CHST14: variants seen among roughly 807,000 people sequenced by gnomAD.
CHST14 encodes the protein carbohydrate (N-acetylgalactosamine 4-0) sulfotransferase 14.
Under a neutral mutation model 22.7 loss-of-function variants are expected in CHST14, and 13 were observed. The ratio of observed to expected loss-of-function variants is 0.57; its 90% CI spans 0.37 to 0.91. The LOEUF is 0.91. CHST14 is among the 40% of genes least tolerant of loss of function. The probability of loss-of-function intolerance (pLI) is 0.01; values close to 1 mark genes in which losing one functional copy is unlikely to be tolerated. For missense variants in CHST14, 466 were observed against 513.1 expected (o/e 0.91, Z 0.89); for synonymous variants, 233 against 231.9 (o/e 1.00, Z -0.04).
Position 40,472,647 on chromosome 15 carries a change from ATGCAGTC to A in CHST14, c.*304_*310del. The stretch of plus-strand genomic sequence containing the variant: ...CTCCAGACCCCGGGCTGCCAGGATT[ATGCAGTC>A]CACTTGGTCTACCTTAATTTAACCT... On this transcript the variant is annotated 3_prime_UTR_variant, in exon 1 of 1. Transcript: ENST00000306243. 7 of 403,948 alleles carry A rather than the reference ATGCAGTC, an allele frequency of 1.7e-5. No homozygotes were observed. The highest frequency in any genetic ancestry group is 4.6e-5 in the East Asian group (1 of 21,712). The allele number at this position is 403,948 out of a possible 1,614,324, so 25.0% of individuals were successfully genotyped here.
In CHST14 at chr15:40,473,131, CTT is replaced by C. The variant is rs949314368; in HGVS notation, c.*791_*792del. 6.0e-6 allele frequency: 1 copy of C among 166,934 alleles called. No homozygotes were observed. Among genetic ancestry groups the C allele is most frequent in the African/African-American group, 2.4e-5 (1 of 41,446 alleles). 10.3% of individuals were successfully genotyped at this position (166,934 alleles called of 1,614,324 possible). ...AGGGCTTTGTTTTCCTAATAGCTGA[CTT>C]TTTAATAAAGCAGTTTTATATATAA... On this transcript the variant is annotated 3_prime_UTR_variant, in exon 1 of 1. Coordinates refer to ENST00000306243, the MANE Select transcript of CHST14 (RefSeq NM_130468.4).
At position 40,471,006 on chromosome 15, in the gene CHST14, G is replaced by A. The variant is rs984222612; in HGVS notation, c.-208G>A. ...AGCGGCCGGGCGGGACATCCGGCCC[G>A]GGTCCCTCGCCGCGCCCGCCGCCCG... On this transcript the variant is annotated 5_prime_UTR_variant, in exon 1 of 1. Coordinates refer to ENST00000306243, the MANE Select transcript of CHST14 (RefSeq NM_130468.4). This position sits in a 1 kb window ranked among gnomAD's most constrained non-coding sequence, Gnocchi z 6.4. 5.2e-4 allele frequency: 149 copies of A among 286,692 alleles called. No individual in the cohort carries two copies. The highest frequency in any genetic ancestry group is 7.5e-4 in the Non-Finnish European group (118 of 156,928). The allele number at this position is 286,692 out of a possible 1,614,324, so 17.8% of individuals were successfully genotyped here.
chr15:40,472,624 CCA>C lies in CHST14; in HGVS notation c.*281_*282del. 2 of 452,620 alleles carry C rather than the reference CCA, an allele frequency of 4.4e-6. No homozygotes were observed. Among genetic ancestry groups the C allele is most frequent in the South Asian group, 3.8e-5 (1 of 26,052 alleles). 28.0% of individuals were successfully genotyped at this position (452,620 alleles called of 1,614,324 possible). A position where few individuals can be genotyped will look rare whatever the true frequency, so the allele number is the denominator to read the frequency against. ...AACACATCTGATCTAAAGACTGGCTCCAGACCCCGGGCTGCCAGGATTATGCA... is the reference window on the plus strand; with the variant it reads ...AACACATCTGATCTAAAGACTGGCTCGACCCCGGGCTGCCAGGATTATGCA... On this transcript the variant is annotated 3_prime_UTR_variant, in exon 1 of 1. Transcript: ENST00000306243.
chr15:40,471,522 A>G lies in CHST14; in HGVS notation c.309A>G (p.Gln103=), dbSNP rs1266666512. Residue 103 remains glutamine (Q), a synonymous_variant, in exon 1 of 1, where the codon CAA becomes CAG. Coordinates refer to ENST00000306243, the MANE Select transcript of CHST14 (RefSeq NM_130468.4). The surrounding 1 kb of genome is among the most constrained non-coding windows in gnomAD (Gnocchi z 6.4). ...TCAGGGCTGGGGACGCGGACTTGCA[A>G]GTGCGGCAGGACGTCCGGAACAGGA... ...LSLRAGDADL[Q]VRQDVRNRTL... 3 of 1,601,054 alleles carry G rather than the reference A, an allele frequency of 1.9e-6. No homozygotes were observed. Among genetic ancestry groups the G allele is most frequent in the Non-Finnish European group, 2.6e-6 (3 of 1,175,680 alleles).
chr15:40,471,013 T>C lies in CHST14; in HGVS notation c.-201T>C, dbSNP rs1894333244. The C allele has an allele frequency of 3.3e-6, 1 of 300,900 alleles. No homozygotes were observed. The highest frequency in any genetic ancestry group is 6.0e-6 in the Non-Finnish European group (1 of 167,102). 18.6% of individuals were successfully genotyped at this position (300,900 alleles called of 1,614,324 possible). On this transcript the variant is annotated 5_prime_UTR_variant, in exon 1 of 1. Transcript: ENST00000306243. This position sits in a 1 kb window ranked among gnomAD's most constrained non-coding sequence, Gnocchi z 6.4. ...GGGCGGGACATCCGGCCCGGGTCCCTCGCCGCGCCCGCCGCCCGCCGCCCG... is the reference window on the plus strand; with the variant it reads ...GGGCGGGACATCCGGCCCGGGTCCCCCGCCGCGCCCGCCGCCCGCCGCCCG...
rs143590623 is a variant in CHST14, at chr15:40,471,921, C to T, written c.708C>T (p.Arg236=). The T allele has an allele frequency of 6.2e-7, 1 of 1,614,034 alleles. No homozygotes were observed. The highest frequency in any genetic ancestry group is 1.3e-5 in the African/African-American group (1 of 74,944). The change falls in exon 1 of 1, where the codon CGC becomes CGT. Residue 236 remains arginine, a synonymous_variant. Coordinates refer to ENST00000306243, the MANE Select transcript of CHST14 (RefSeq NM_130468.4). The surrounding 1 kb of genome is among the most constrained non-coding windows in gnomAD (Gnocchi z 6.4). ...KFGEIREYQQ[R]YGAEIVRRYR... ...GCGAGATCCGAGAGTACCAGCAACG[C>T]TATGGGGCTGAGATAGTGAGGCGGT...
Position 40,472,356 on chromosome 15 carries a change from G to A in CHST14, c.*12G>A. The A allele has an allele frequency of 6.3e-7, 1 of 1,587,080 alleles. No individual in the cohort carries two copies. Among genetic ancestry groups the A allele is most frequent in the Non-Finnish European group, 8.6e-7 (1 of 1,165,752 alleles). ...CGTGTCAGCAGTGACCATGGGTGTG[G>A]GGCCAGCAGCTGGTGGGGACTGGTT... is the stretch of plus-strand genomic sequence containing the variant. On this transcript the variant is annotated 3_prime_UTR_variant, in exon 1 of 1. Coordinates refer to ENST00000306243, the MANE Select transcript of CHST14 (RefSeq NM_130468.4).
chr15:40,471,617 G>A lies in CHST14; in HGVS notation c.404G>A (p.Arg135His). Reference protein sequence around the residue: ...DPWDLPVGQRRTLLRHILVSD... With the variant: ...DPWDLPVGQRHTLLRHILVSD... ...TGGGACTTGCCGGTGGGGCAGCGGC[G>A]CACCCTGCTGCGCCACATCCTCGTA... The change falls in exon 1 of 1, where the codon CGC becomes CAC. Residue 135 changes from arginine to histidine, a missense_variant. Physicochemically the swap from Arg to His is conservative, Grantham distance 29. Coordinates refer to ENST00000306243, the MANE Select transcript of CHST14 (RefSeq NM_130468.4). The surrounding 1 kb of genome is among the most constrained non-coding windows in gnomAD (Gnocchi z 6.4). 1 of 1,612,904 alleles carries A rather than the reference G, an allele frequency of 6.2e-7. No individual in the cohort carries two copies. The highest frequency in any genetic ancestry group is 8.5e-7 in the Non-Finnish European group (1 of 1,179,942).
rs1449006335 is a variant in CHST14 at position 40,470,990 on chromosome 15, G to A, written c.-224G>A. 1 of 250,186 alleles carries A rather than the reference G, an allele frequency of 4.0e-6. No homozygotes were observed. The highest frequency in any genetic ancestry group is 2.3e-5 in the African/African-American group (1 of 43,738). The allele number at this position is 250,186 out of a possible 1,614,324, so 15.5% of individuals were successfully genotyped here. On this transcript the variant is annotated 5_prime_UTR_variant, in exon 1 of 1. Coordinates refer to ENST00000306243, the MANE Select transcript of CHST14 (RefSeq NM_130468.4). ...GAGGCCGGGGGTGGAGAGCGGCCGGGCGGGACATCCGGCCCGGGTCCCTCG... is the reference window on the plus strand; with the variant it reads ...GAGGCCGGGGGTGGAGAGCGGCCGGACGGGACATCCGGCCCGGGTCCCTCG...
Position 40,471,136 on chromosome 15 carries a change from C to T in CHST14, c.-78C>T, listed in dbSNP as rs1453234912. 2 of 619,922 alleles carry T rather than the reference C, an allele frequency of 3.2e-6. No homozygotes were observed. The highest frequency in any genetic ancestry group is 6.9e-5 in the South Asian group (2 of 29,054). 38.4% of individuals were successfully genotyped at this position (619,922 alleles called of 1,614,324 possible). A position where few individuals can be genotyped will look rare whatever the true frequency, so the allele number is the denominator to read the frequency against. On this transcript the variant is annotated 5_prime_UTR_variant, in exon 1 of 1. Transcript: ENST00000306243. The surrounding 1 kb of genome is among the most constrained non-coding windows in gnomAD (Gnocchi z 6.4). ...CTACCCCCGGTCCCAGACCCTCCTC[C>T]CGCCCCCAGCCCGAGCCCGCCTTCC...
In CHST14 at chr15:40,471,729, C is replaced by T. The variant is rs146820019; in HGVS notation, c.516C>T (p.Val172=). The part of the protein sequence containing the change: ...WKRVMKVLAG[V]LDSVDVRLKM... ...GGGTGATGAAGGTGCTGGCAGGCGTCCTGGACAGCGTGGACGTCCGCCTCA... is the reference window on the plus strand; with the variant it reads ...GGGTGATGAAGGTGCTGGCAGGCGTTCTGGACAGCGTGGACGTCCGCCTCA... Residue 172 remains valine (V), a synonymous_variant, in exon 1 of 1, where the codon GTC becomes GTT. Coordinates refer to ENST00000306243, the MANE Select transcript of CHST14 (RefSeq NM_130468.4). The surrounding 1 kb of genome is among the most constrained non-coding windows in gnomAD (Gnocchi z 6.4). The T allele has an allele frequency of 3.1e-6, 5 of 1,613,544 alleles. 1 individual carries two copies. The African/African-American group carries it at 6.7e-5, about 21-fold the overall frequency.
rs1281853086 is a variant in CHST14 at position 40,473,153 on chromosome 15, A to C, written c.*809A>C. 1 of 166,160 alleles carries C rather than the reference A, an allele frequency of 6.0e-6. No individual in the cohort carries two copies. Among genetic ancestry groups the C allele is most frequent in the Non-Finnish European group, 1.5e-5 (1 of 68,122 alleles). The allele number at this position is 166,160 out of a possible 1,614,324, so 10.3% of individuals were successfully genotyped here. A position where few individuals can be genotyped will look rare whatever the true frequency, so the allele number is the denominator to read the frequency against. ...TGACTTTTTAATAAAGCAGTTTTAT[A>C]TATAAGGCGAGCATTTCTGTGATTT... On this transcript the variant is annotated 3_prime_UTR_variant, in exon 1 of 1. Transcript: ENST00000306243.
Position 40,471,108 on chromosome 15 carries a change from CAACTA to C in CHST14, c.-105_-101del. On this transcript the variant is annotated 5_prime_UTR_variant, in exon 1 of 1. Coordinates refer to ENST00000306243, the MANE Select transcript of CHST14 (RefSeq NM_130468.4). The surrounding 1 kb of genome is among the most constrained non-coding windows in gnomAD (Gnocchi z 6.4). ...GGGCTGTCCCCTGCCCTCCCCTCCC[CAACTA>C]CCCCCGGTCCCAGACCCTCCTCCCG... 2.3e-6 allele frequency: 1 copy of C among 432,792 alleles called. No individual in the cohort carries two copies. The highest frequency in any genetic ancestry group is 3.8e-6 in the Non-Finnish European group (1 of 262,336). 26.8% of individuals were successfully genotyped at this position (432,792 alleles called of 1,614,324 possible). A position where few individuals can be genotyped will look rare whatever the true frequency, so the allele number is the denominator to read the frequency against.
chr15:40,472,416 C>A lies in CHST14; in HGVS notation c.*72C>A. The A allele has an allele frequency of 6.7e-7, 1 of 1,494,962 alleles. No homozygotes were observed. 92.6% of individuals were successfully genotyped at this position (1,494,962 alleles called of 1,614,324 possible). ...GCTTTCTGTGCTTCTGCCTGTCATT[C>A]GGAGAAACTCTGGCTCTGGGGCTTG... On this transcript the variant is annotated 3_prime_UTR_variant, in exon 1 of 1. Coordinates refer to ENST00000306243, the MANE Select transcript of CHST14 (RefSeq NM_130468.4).
chr15:40,472,027 C>A lies in CHST14; in HGVS notation c.814C>A (p.Pro272Thr). ...EFLRYLVDED[P>T]ERMNEHWMPV... ...CCTGAGATACCTGGTGGATGAGGAC[C>A]CTGAGCGCATGAATGAGCATTGGAT... Residue 272 changes from proline to threonine, a missense_variant, in exon 1 of 1, where the codon CCT (proline) becomes ACT (threonine). Coordinates refer to ENST00000306243, the MANE Select transcript of CHST14 (RefSeq NM_130468.4). 6.2e-7 allele frequency: 1 copy of A among 1,614,174 alleles called. No individual in the cohort carries two copies. Among genetic ancestry groups the A allele is most frequent in the South Asian group, 1.1e-5 (1 of 91,076 alleles).
At position 40,471,792 on chromosome 15, in the gene CHST14, C is replaced by G. The variant is rs768812784; in HGVS notation, c.579C>G (p.Asp193Glu). ...GCAGTGACCTGGTGTTCCTGGCCGA[C>G]CTGCGGCCTGAGGAGATTCGCTACC... ...DHRSDLVFLA[D>E]LRPEEIRYRL... The change falls in exon 1 of 1, where the codon GAC (aspartate) becomes GAG (glutamate). Residue 193 changes from aspartate to glutamate, a missense_variant. Asp to Glu is a conservative substitution (Grantham distance 45). Transcript: ENST00000306243. The surrounding 1 kb of genome is among the most constrained non-coding windows in gnomAD (Gnocchi z 6.4). The G allele has an allele frequency of 6.2e-7, 1 of 1,613,768 alleles. No individual in the cohort carries two copies. The highest frequency in any genetic ancestry group is 2.2e-5 in the East Asian group (1 of 44,878).
Position 40,471,612 on chromosome 15 carries a change from G to T in CHST14, c.399G>T (p.Gln133His). 6.2e-7 allele frequency: 1 copy of T among 1,612,968 alleles called. No homozygotes were observed. The highest frequency in any genetic ancestry group is 8.5e-7 in the Non-Finnish European group (1 of 1,179,960). The change falls in exon 1 of 1, where the codon CAG becomes CAT. Residue 133 changes from glutamine to histidine, a missense_variant. Gln to His is a conservative substitution (Grantham distance 24, BLOSUM62 0). Coordinates refer to ENST00000306243, the MANE Select transcript of CHST14 (RefSeq NM_130468.4). The surrounding 1 kb of genome is among the most constrained non-coding windows in gnomAD (Gnocchi z 6.4). ...ACCCCTGGGACTTGCCGGTGGGGCAGCGGCGCACCCTGCTGCGCCACATCC... is the reference window on the plus strand; with the variant it reads ...ACCCCTGGGACTTGCCGGTGGGGCATCGGCGCACCCTGCTGCGCCACATCC... Reference protein sequence around the residue: ...PRDPWDLPVGQRRTLLRHILV... With the variant: ...PRDPWDLPVGHRRTLLRHILV...
In CHST14 at chr15:40,473,124, T is replaced by C. The variant is rs1242166900; in HGVS notation, c.*780T>C. The C allele has an allele frequency of 1.2e-5, 2 of 167,092 alleles. No homozygotes were observed. Among genetic ancestry groups the C allele is most frequent in the East Asian group, 1.9e-4 (1 of 5,204 alleles). The allele number at this position is 167,092 out of a possible 1,614,324, so 10.4% of individuals were successfully genotyped here. ...CCTTGTAAGGGCTTTGTTTTCCTAA[T>C]AGCTGACTTTTTAATAAAGCAGTTT... On this transcript the variant is annotated 3_prime_UTR_variant, in exon 1 of 1. Transcript: ENST00000306243.
rs1894339482 is a variant in CHST14, at chr15:40,471,267, G to T, written c.54G>T (p.Leu18=). The T allele has an allele frequency of 6.7e-7, 1 of 1,497,348 alleles. No homozygotes were observed. The highest frequency in any genetic ancestry group is 8.8e-7 in the Non-Finnish European group (1 of 1,131,988). 92.8% of individuals were successfully genotyped at this position (1,497,348 alleles called of 1,614,324 possible). A position where few individuals can be genotyped will look rare whatever the true frequency, so the allele number is the denominator to read the frequency against. The change falls in exon 1 of 1, where the codon CTG becomes CTT. Residue 18 remains leucine (L), a synonymous_variant. Coordinates refer to ENST00000306243, the MANE Select transcript of CHST14 (RefSeq NM_130468.4). This position sits in a 1 kb window ranked among gnomAD's most constrained non-coding sequence, Gnocchi z 6.4. The part of the protein sequence containing the change: ...PLAAPNGAEP[L]GRALRRAPLG... Reference sequence around the variant, plus strand: ...CGGCCCCAAATGGCGCCGAGCCCCTGGGCCGGGCGCTGAGGCGGGCCCCTC... The same window carrying T: ...CGGCCCCAAATGGCGCCGAGCCCCTTGGCCGGGCGCTGAGGCGGGCCCCTC...
Sources: allele counts gnomAD v4.1 joint callset, GRCh38; gene constraint gnomAD v4.1.1; non-coding constraint Gnocchi (gnomAD v3.1); transcripts MANE v1.5; gene names NCBI Gene and HGNC (gene_info 2026-07-23, HGNC 2026-07-21).